The following CACNA1E variants were observed in gnomAD, a reference collection of about 807,000 sequenced individuals.
The protein encoded by CACNA1E is voltage-dependent R-type calcium channel subunit alpha-1E.
CACNA1E carries 40 observed loss-of-function variants against 259.2 expected under a neutral mutation model. That is an observed-to-expected ratio of 0.15 (90% CI 0.12 to 0.20). CACNA1E has a LOEUF of 0.20. Among genes scored for constraint, CACNA1E ranks in the 10% least tolerant of loss-of-function variants. CACNA1E has a pLI of 1.00. For missense variants in CACNA1E, 1,874 were observed against 3,040.1 expected, an observed-to-expected ratio of 0.62 and a Z score of 9.02; for synonymous variants, 1,104 against 1,138.5, an observed-to-expected ratio of 0.97 and a Z score of 0.61.
intron 6 of CACNA1E, among the ~76,000 whole-genome samples, chr1:181,625,536 C>T (rs1030955548): frequency 2.6e-5 from 4 of 152,182 alleles, no homozygotes; most frequent in African/African-American, 4.8e-5. Flanking sequence ...CCTTCAACCT[C>T]GTGGACCAAG....
intron 1 of CACNA1E, among the ~76,000 whole-genome samples, chr1:181,329,527 G>A (rs907525048): frequency 6.6e-6 from 1 of 151,782 alleles, no homozygotes; most frequent in East Asian, 1.9e-4. Context: ...TTTAAAACAC[G>A]CCACACTCTT....
chr1:181,512,712 C>T (rs1156510368), intron 3 of CACNA1E, among the ~76,000 whole-genome samples: 5 of 152,126 alleles, frequency 3.3e-5, no homozygotes, highest in African/African-American at 4.8e-5. Flanking sequence ...AATGGAAGCA[C>T]GTAAGCAGCC....
At chr1:181,488,905 C>T (rs1486249979) in intron 1 of CACNA1E, among the ~76,000 whole-genome samples, 3 of 152,078 alleles carry the variant, frequency 2.0e-5, no homozygotes, top group South Asian at 2.1e-4. Flanking sequence ...TGTTTTTCCC[C>T]CTCAAATTCT....
intron 6 of CACNA1E, among the ~76,000 whole-genome samples, chr1:181,647,702 T>G (rs1274317169): frequency 6.6e-6 from 1 of 152,178 alleles, no homozygotes; most frequent in Non-Finnish European, 1.5e-5. Context: ...AGAAGGAGAT[T>G]GAAGCCCCAA....
At chr1:181,473,987 C>T (rs1365115574) in intron 2 of CACNA1E, among the ~76,000 whole-genome samples, 3 of 152,194 alleles carry the variant, frequency 2.0e-5, no homozygotes, top group African/African-American at 7.2e-5. Context: ...TGGAGCCTTG[C>T]ACATTGTAAG....
At chr1:181,733,322 G>A in intron 20 of CACNA1E, 115 bp from the exon 21 acceptor site, 1 of 933,870 alleles carries the variant, frequency 1.1e-6, no homozygotes, top group Non-Finnish European at 1.6e-6. Flanking sequence ...GAAGGCAGTG[G>A]TGGCCTTGTA....
At chr1:181,424,048 G>A (rs540638765) in intron 2 of CACNA1E, among the ~76,000 whole-genome samples, 23 of 152,242 alleles carry the variant, frequency 1.5e-4, no homozygotes, top group Non-Finnish European at 3.1e-4. Flanking sequence ...CAGAGACGAG[G>A]CATTTCAGGA....
At chr1:181,379,274 C>T (rs1230642559) in intron 1 of CACNA1E, among the ~76,000 whole-genome samples, 1 of 151,920 alleles carries the variant, frequency 6.6e-6, no homozygotes, top group Non-Finnish European at 1.5e-5. Context: ...AAGGAAGAGA[C>T]AGAAAGGAGA....
chr1:181,506,319 T>G (rs1057086646), intron 1 of CACNA1E, among the ~76,000 whole-genome samples: 2 of 152,184 alleles, frequency 1.3e-5, no homozygotes, highest in Admixed American at 6.5e-5. Context: ...AGCCATTGCT[T>G]TGGGGTGTGA....
At chr1:181,397,699 G>A (rs1324170610) in intron 1 of CACNA1E, among the ~76,000 whole-genome samples, 1 of 152,196 alleles carries the variant, frequency 6.6e-6, no homozygotes, top group Non-Finnish European at 1.5e-5. Context: ...GCGATGCTTA[G>A]AATCCAGCTC....
intron 1 of CACNA1E, among the ~76,000 whole-genome samples, chr1:181,499,576 G>A (rs1057342786): frequency 1.3e-5 from 2 of 152,172 alleles, no homozygotes; most frequent in Non-Finnish European, 2.9e-5. Flanking sequence ...GAGACTCTGG[G>A]ATTCTAGTTT....
chr1:181,385,484 G>A (rs889036256), intron 1 of CACNA1E, among the ~76,000 whole-genome samples: 1 of 152,196 alleles, frequency 6.6e-6, no homozygotes, highest in Non-Finnish European at 1.5e-5. Flanking sequence ...GAGTGGAGGT[G>A]ACAGGGATGG....
intron 1 of CACNA1E, among the ~76,000 whole-genome samples, chr1:181,324,966 C>A (rs1221830940): frequency 6.6e-6 from 1 of 152,200 alleles, no homozygotes; most frequent in East Asian, 1.9e-4. Flanking sequence ...TCTTCCCATG[C>A]TGCACAGGAT....
At chr1:181,599,235 G>A (rs544445621) in intron 6 of CACNA1E, among the ~76,000 whole-genome samples, 9 of 152,184 alleles carry the variant, frequency 5.9e-5, no homozygotes, top group African/African-American at 2.2e-4. Context: ...CCGTTCTTGT[G>A]TTAGTTTGCT....
intron 1 of CACNA1E, among the ~76,000 whole-genome samples, chr1:181,319,125 G>A (rs1650151285): frequency 6.6e-6 from 1 of 152,186 alleles, no homozygotes. Context: ...TTCAGGCTGT[G>A]GGTGCGTGCA....
rs2102918915 is a variant in CACNA1E at position 181,799,799 on chromosome 1, A to C, written c.*965A>C. On this transcript the variant is annotated 3_prime_UTR_variant, in exon 48 of 48. Coordinates refer to ENST00000367573, the MANE Select transcript of CACNA1E (RefSeq NM_001205293.3). ...TGGGTAGAGTAGCAGGGGCCACCTA[A>C]GAGATTAAAAACAGTCTGTTTTCCA... 1 of 76,844 alleles carries C rather than the reference A, an allele frequency of 1.3e-5. No homozygotes were observed. Among genetic ancestry groups the C allele is most frequent in the South Asian group, 5.7e-4 (1 of 1,754 alleles). 4.8% of individuals were successfully genotyped at this position (76,844 alleles called of 1,614,324 possible). A position where few individuals can be genotyped will look rare whatever the true frequency, so the allele number is the denominator to read the frequency against.
intron 16 of CACNA1E, among the ~76,000 whole-genome samples, chr1:181,723,774 C>A (rs1654630116): frequency 6.6e-6 from 1 of 152,120 alleles, no homozygotes; most frequent in Non-Finnish European, 1.5e-5. Context: ...AAGGATATTA[C>A]AAAGGATGCA....
At chr1:181,650,883 G>A (rs1382603823) in intron 6 of CACNA1E, among the ~76,000 whole-genome samples, 1 of 152,184 alleles carries the variant, frequency 6.6e-6, no homozygotes, top group Admixed American at 6.5e-5. Context: ...AAGACGCAGA[G>A]GACCCTAAAA....
chr1:181,580,518 T>C, intron 5 of CACNA1E, 77 bp from the exon 6 acceptor site: 1 of 1,420,718 alleles, frequency 7.0e-7, no homozygotes, highest in Non-Finnish European at 9.9e-7. Flanking sequence ...ATTGCTTGCC[T>C]ATGGCTTCCT....
Sources: gnomAD v4.1 joint callset for allele counts (sites outside exome capture counted in the v4.1 genomes callset) on GRCh38, gnomAD v4.1.1 for gene constraint, MANE v1.5 for transcripts, NCBI Gene and HGNC (gene_info 2026-07-23, HGNC 2026-07-21) for gene names.